The following RAD51B variants were observed in gnomAD, a reference collection of about 807,000 sequenced individuals.
RAD51B encodes the protein RAD51 paralog B, also known as DNA repair protein RAD51 homolog 2.
In RAD51B, 38 loss-of-function variants were observed where a neutral mutation model predicts 42.2. That is an observed-to-expected ratio of 0.90 (90% CI 0.70 to 1.18). The LOEUF (loss-of-function observed/expected upper bound fraction) is 1.18. Ranked by LOEUF, RAD51B falls within the 50% of genes most tolerant of loss-of-function variation. The pLI, the probability that RAD51B is intolerant of heterozygous loss-of-function variation, is 0.00. For missense variants in RAD51B, 373 were observed against 400.7 expected (o/e 0.93, Z 0.59); for synonymous variants, 154 against 145.2 (o/e 1.06, Z -0.43).
intron 10 of RAD51B, among the ~76,000 whole-genome samples, chr14:68,639,684 T>G (rs938304760): frequency 1.3e-5 from 2 of 152,258 alleles, no homozygotes; most frequent in African/African-American, 4.8e-5. Flanking sequence ...GCAGACACTT[T>G]GAGGAGGAGT....
chr14:67,914,742 T>C (rs146782217), intron 7 of RAD51B, among the ~76,000 whole-genome samples: 1 of 152,346 alleles, frequency 6.6e-6, no homozygotes, highest in East Asian at 1.9e-4. Flanking sequence ...TCAGAGTTTA[T>C]TTGTAACACC....
chr14:68,172,366 C>A (rs1227015906), intron 7 of RAD51B, among the ~76,000 whole-genome samples: 4 of 152,202 alleles, frequency 2.6e-5, no homozygotes, highest in Non-Finnish European at 5.9e-5. Flanking sequence ...GAGCCAGATA[C>A]CGACAGGTTT....
At chr14:68,363,927 A>C (rs2083085432) in intron 8 of RAD51B, among the ~76,000 whole-genome samples, 1 of 152,118 alleles carries the variant, frequency 6.6e-6, no homozygotes, top group African/African-American at 2.4e-5. Context: ...CGTCCACAGG[A>C]GGAAGTTGTG....
At chr14:68,570,698 C>G (rs1177665165) in intron 10 of RAD51B, among the ~76,000 whole-genome samples, 2 of 152,350 alleles carry the variant, frequency 1.3e-5, no homozygotes, top group East Asian at 1.9e-4. Context: ...CAAGCTTCCC[C>G]CTATGGGGGT....
At chr14:68,294,712 G>T (rs533550107) in intron 8 of RAD51B, among the ~76,000 whole-genome samples, 1 of 152,316 alleles carries the variant, frequency 6.6e-6, no homozygotes, top group Non-Finnish European at 1.5e-5. Flanking sequence ...TTTTAATTCT[G>T]ACTTACAGAG....
intron 7 of RAD51B, among the ~76,000 whole-genome samples, chr14:68,204,658 C>G (rs759864749): frequency 6.6e-6 from 1 of 152,046 alleles, no homozygotes; most frequent in African/African-American, 2.4e-5. Context: ...AGGTATGTCT[C>G]TAGTGTGTTT....
At chr14:68,004,246 C>T (rs1227778863) in intron 7 of RAD51B, among the ~76,000 whole-genome samples, 6 of 147,718 alleles carry the variant, frequency 4.1e-5, no homozygotes, top group East Asian at 2.0e-4. Flanking sequence ...GGCAGGAGAA[C>T]GGCGTGAACC....
intron 7 of RAD51B, among the ~76,000 whole-genome samples, chr14:68,163,606 T>G (rs544306251): frequency 6.6e-6 from 1 of 152,352 alleles, no homozygotes; most frequent in Admixed American, 6.5e-5. Context: ...AATTTCCTCC[T>G]TGGCTATAAC....
chr14:68,641,256 T>G (rs1195706317), intron 10 of RAD51B, among the ~76,000 whole-genome samples: 1 of 152,226 alleles, frequency 6.6e-6, no homozygotes, highest in African/African-American at 2.4e-5. Context: ...AAATTCCAAT[T>G]GTTCACTGTT....
chr14:67,824,255 C>CT (rs2040733254), intron 2 of RAD51B, among the ~76,000 whole-genome samples: 1 of 151,932 alleles, frequency 6.6e-6, no homozygotes, highest in East Asian at 1.9e-4. Context: ...GGATTTTATC[C>CT]TTTTTTTGTT....
At chr14:68,137,537 G>A (rs990483985) in intron 7 of RAD51B, among the ~76,000 whole-genome samples, 8 of 152,108 alleles carry the variant, frequency 5.3e-5, no homozygotes, top group Non-Finnish European at 1.2e-4. Context: ...CACATGGAAT[G>A]CACCATAAAT....
chr14:67,973,006 A>G (rs1013155255), intron 7 of RAD51B, among the ~76,000 whole-genome samples: 2 of 152,100 alleles, frequency 1.3e-5, no homozygotes, highest in Non-Finnish European at 2.9e-5. Flanking sequence ...TTATCTAAAC[A>G]TTCGTCTAGG....
intron 10 of RAD51B, chr14:68,541,294 A>C (rs1887953627): frequency 1.0e-6 from 1 of 985,340 alleles, no homozygotes; most frequent in South Asian, 4.7e-5. Flanking sequence ...TTTGTGGCAA[A>C]GAATAGGTGG....
intron 7 of RAD51B, among the ~76,000 whole-genome samples, chr14:67,942,927 A>G (rs2045258942): frequency 6.6e-6 from 1 of 152,066 alleles, no homozygotes; most frequent in South Asian, 2.1e-4. Flanking sequence ...CATTTTATGC[A>G]TGCTCCTTTC....
chr14:67,828,143 C>A (rs1314829344), intron 3 of RAD51B, among the ~76,000 whole-genome samples: 1 of 152,200 alleles, frequency 6.6e-6, no homozygotes, highest in Non-Finnish European at 1.5e-5. Flanking sequence ...GCAACCTCAC[C>A]AGCATCTGTT....
intron 7 of RAD51B, among the ~76,000 whole-genome samples, chr14:68,207,512 A>T (rs1475709272): frequency 2.6e-5 from 4 of 152,208 alleles, no homozygotes; most frequent in Non-Finnish European, 5.9e-5. Flanking sequence ...GAGAAAATAC[A>T]TCTAGAGTTT....
intron 9 of RAD51B, among the ~76,000 whole-genome samples, chr14:68,441,420 T>C (rs2085284564): frequency 7.1e-6 from 1 of 141,810 alleles, no homozygotes; most frequent in Non-Finnish European, 1.5e-5. Flanking sequence ...CAGGCACCTG[T>C]AGTCCCAGCT....
At chr14:68,018,534 T>A (rs1220725859) in intron 7 of RAD51B, among the ~76,000 whole-genome samples, 1 of 152,210 alleles carries the variant, frequency 6.6e-6, no homozygotes, top group African/African-American at 2.4e-5. Context: ...TTTTTTAAAT[T>A]AATTCTCTAT....
At chr14:68,180,571 T>C (rs1045088718) in intron 7 of RAD51B, among the ~76,000 whole-genome samples, 1 of 152,216 alleles carries the variant, frequency 6.6e-6, no homozygotes, top group African/African-American at 2.4e-5. Flanking sequence ...GCAGCTGTCG[T>C]CATTATCGCC....
Sources: allele counts gnomAD v4.1 joint callset (sites outside exome capture counted in the v4.1 genomes callset), GRCh38; gene constraint gnomAD v4.1.1; transcripts MANE v1.5; gene names NCBI Gene and HGNC (gene_info 2026-07-23, HGNC 2026-07-21).